Variants in EML4 observed in about 807,000 individuals in gnomAD.
EML4 encodes EMAP like 4.
Under a neutral mutation model 129.0 loss-of-function variants are expected in EML4, and 72 were observed. The ratio of observed to expected loss-of-function variants is 0.56; its 90% CI spans 0.46 to 0.68. EML4 has a LOEUF of 0.68. Ranked by LOEUF, EML4 falls within the 30% of genes least tolerant of loss-of-function variation. The pLI, the probability that EML4 is intolerant of heterozygous loss-of-function variation, is 0.00. For synonymous variants in EML4, 532 were observed against 405.0 expected (o/e 1.31, Z -3.77); for missense variants, 1,363 against 1,190.6 (o/e 1.14, Z -2.13).
At chr2:42,328,048 G>A (rs185471640) in intron 21 of EML4, among the ~76,000 whole-genome samples, 3 of 152,154 alleles carry the variant, frequency 2.0e-5, no homozygotes, top group African/African-American at 7.2e-5. Flanking sequence ...ATTATTCTAC[G>A]TGAAAATGAA....
At chr2:42,196,029 A>G (rs1470051) in intron 1 of EML4, among the ~76,000 whole-genome samples, 93,773 of 152,012 alleles carry the variant, frequency 0.62, 29,450 homozygotes, top group East Asian at 0.75. Flanking sequence ...AGACTTAGAT[A>G]TAGTATTTTA....
In EML4 at chr2:42,286,396, A is replaced by G; in HGVS notation, c.1122+17A>G. The G allele has an allele frequency of 6.9e-7, 1 of 1,439,674 alleles. No individual in the cohort carries two copies. Among genetic ancestry groups the G allele is most frequent in the South Asian group, 1.1e-5 (1 of 87,614 alleles). 89.2% of individuals were successfully genotyped at this position (1,439,674 alleles called of 1,614,324 possible). A position where few individuals can be genotyped will look rare whatever the true frequency, so the allele number is the denominator to read the frequency against. On this transcript the variant is annotated intron_variant, in intron 10 of 22. Transcript: ENST00000318522. ...TCAAAAGCAGTAAGTAACAATTTTT[A>G]GAGAAGTAAGCAAGCTGAACAAAAA... is the stretch of plus-strand genomic sequence containing the variant.
intron 11 of EML4, 48 bp from the exon 12 acceptor site, chr2:42,295,077 G>A (rs767666467): frequency 1.4e-6 from 2 of 1,477,034 alleles, no homozygotes; most frequent in Admixed American, 2.4e-5. Context: ...GATACTTGAA[G>A]GAGATAAGGA....
intron 1 of EML4, among the ~76,000 whole-genome samples, chr2:42,170,612 T>A (rs948260831): frequency 1.3e-5 from 2 of 152,248 alleles, no homozygotes; most frequent in African/African-American, 4.8e-5. Flanking sequence ...GGAATTACTA[T>A]TCTTCGAGGC....
At chr2:42,200,231 A>C (rs577064600) in intron 1 of EML4, among the ~76,000 whole-genome samples, 2 of 151,590 alleles carry the variant, frequency 1.3e-5, no homozygotes, top group Admixed American at 6.6e-5. Flanking sequence ...AGGCTGAGGC[A>C]GGAGAATGGT....
chr2:42,188,358 C>T (rs957665580), intron 1 of EML4, among the ~76,000 whole-genome samples: 2 of 152,026 alleles, frequency 1.3e-5, no homozygotes, highest in Non-Finnish European at 2.9e-5. Flanking sequence ...GTAGCTGGGA[C>T]TACAGGTGCA....
At chr2:42,260,451 C>T (rs1306440442) in intron 3 of EML4, among the ~76,000 whole-genome samples, 1 of 152,230 alleles carries the variant, frequency 6.6e-6, no homozygotes, top group Non-Finnish European at 1.5e-5. Flanking sequence ...CAGGCGTGAG[C>T]CAGTGCGCCC....
chr2:42,178,873 A>G (rs1178407103), intron 1 of EML4, among the ~76,000 whole-genome samples: 2 of 152,186 alleles, frequency 1.3e-5, no homozygotes, highest in African/African-American at 4.8e-5. Flanking sequence ...GTTGAAATCT[A>G]TTTAACTTTA....
chr2:42,186,189 C>T (rs924092062), intron 1 of EML4, among the ~76,000 whole-genome samples: 5 of 152,092 alleles, frequency 3.3e-5, no homozygotes, highest in African/African-American at 1.2e-4. Flanking sequence ...TTCCAAATAG[C>T]TTATAATTGC....
intron 11 of EML4, chr2:42,289,328 G>A (rs980786268): frequency 7.9e-5 from 12 of 152,058 alleles, no homozygotes; most frequent in Admixed American, 2.0e-4. Context: ...GCGATTTCTC[G>A]ATCTCCTTTC....
intron 6 of EML4, among the ~76,000 whole-genome samples, chr2:42,277,712 A>T (rs1018923757): frequency 6.6e-6 from 1 of 151,806 alleles, no homozygotes; most frequent in African/African-American, 2.4e-5. Context: ...GGGATTACAG[A>T]CATGTACCAC....
intron 10 of EML4, among the ~76,000 whole-genome samples, chr2:42,287,604 TATC>T (rs1344052936): frequency 6.6e-6 from 1 of 152,212 alleles, no homozygotes; most frequent in Non-Finnish European, 1.5e-5. Flanking sequence ...AAGCATTTAA[TATC>T]ATCTATAGGT....
chr2:42,251,494 C>CT (rs1270885162), intron 2 of EML4, among the ~76,000 whole-genome samples: 1 of 152,088 alleles, frequency 6.6e-6, no homozygotes, highest in South Asian at 2.1e-4. Flanking sequence ...GTTGAAAGGC[C>CT]TAAGGGTACA....
intron 11 of EML4, among the ~76,000 whole-genome samples, chr2:42,294,653 T>C (rs374346028): frequency 1.9e-4 from 29 of 151,732 alleles, no homozygotes; most frequent in East Asian, 7.8e-4. Flanking sequence ...CCAAGATCAC[T>C]CCATTTGCAC....
chr2:42,196,490 G>C (rs1193125633), intron 1 of EML4, among the ~76,000 whole-genome samples: 1 of 152,144 alleles, frequency 6.6e-6, no homozygotes, highest in Non-Finnish European at 1.5e-5. Flanking sequence ...TGGATCTAAG[G>C]ATAAATTGAG....
chr2:42,246,179 T>C (rs1675390026), intron 2 of EML4, among the ~76,000 whole-genome samples: 1 of 152,234 alleles, frequency 6.6e-6, no homozygotes, highest in Non-Finnish European at 1.5e-5. Context: ...ATAATGGGAC[T>C]TCTAACTTTC....
intron 19 of EML4, among the ~76,000 whole-genome samples, chr2:42,319,070 C>T (rs1464336025): frequency 6.6e-6 from 1 of 152,184 alleles, no homozygotes; most frequent in Non-Finnish European, 1.5e-5. Context: ...TCAAATATGA[C>T]TTAATCTTGT....
intron 2 of EML4, among the ~76,000 whole-genome samples, chr2:42,251,893 C>T (rs1228767981): frequency 6.6e-6 from 1 of 151,940 alleles, no homozygotes; most frequent in African/African-American, 2.4e-5. Flanking sequence ...TTTGTTGCTC[C>T]CACTAGGTGA....
Position 42,301,263 on chromosome 2 carries a change from A to G in EML4, c.1512A>G (p.Gln504=). 1 of 1,612,578 alleles carries G rather than the reference A, an allele frequency of 6.2e-7. No individual in the cohort carries two copies. The highest frequency in any genetic ancestry group is 8.5e-7 in the Non-Finnish European group (1 of 1,179,444). ...GPKGVYQISK[Q]IKAHDGSVFT... Reference sequence around the variant, plus strand: ...TAGGTGTATATCAAATCAGCAAACAAATCAAAGCTCATGATGGCAGTGTGT... The same window carrying G: ...TAGGTGTATATCAAATCAGCAAACAGATCAAAGCTCATGATGGCAGTGTGT... The change falls in exon 14 of 23, where the codon CAA becomes CAG. Residue 504 remains glutamine (Q), a synonymous_variant. Transcript: ENST00000318522.
Sources: gnomAD v4.1 joint callset for allele counts (sites outside exome capture counted in the v4.1 genomes callset) on GRCh38, gnomAD v4.1.1 for gene constraint, MANE v1.5 for transcripts, NCBI Gene and HGNC (gene_info 2026-07-23, HGNC 2026-07-21) for gene names.